The following PRKN variants were observed in gnomAD, a reference collection of about 807,000 sequenced individuals.
PRKN encodes the protein parkin RBR E3 ubiquitin protein ligase, also known as E3 ubiquitin-protein ligase parkin.
In PRKN, 56 loss-of-function variants were observed where a neutral mutation model predicts 59.5. The observed-to-expected ratio is 0.94, with a 90% confidence interval of 0.76 to 1.18. The LOEUF is 1.18. Ranked by LOEUF, PRKN falls within the 50% of genes most tolerant of loss-of-function variation. The pLI, the probability that PRKN is intolerant of heterozygous loss-of-function variation, is 0.00. For synonymous variants in PRKN, 250 were observed against 222.1 expected, an observed-to-expected ratio of 1.13 and a Z score of -1.12; for missense variants, 657 against 596.4, an observed-to-expected ratio of 1.10 and a Z score of -1.06.
chr6:162,045,539 T>C (rs1784219005), intron 5 of PRKN, among the ~76,000 whole-genome samples: 1 of 152,256 alleles, frequency 6.6e-6, no homozygotes, highest in South Asian at 2.1e-4. Context: ...TGATTCTCCA[T>C]ATGCTTATAA....
intron 1 of PRKN, among the ~76,000 whole-genome samples, chr6:162,725,996 A>T (rs1483050328): frequency 6.6e-6 from 1 of 152,206 alleles, no homozygotes; most frequent in Admixed American, 6.5e-5. Context: ...TATATTCTCC[A>T]TGTCATTACC....
At chr6:162,322,265 A>T (rs1407616622) in intron 2 of PRKN, among the ~76,000 whole-genome samples, 1 of 152,136 alleles carries the variant, frequency 6.6e-6, no homozygotes, top group East Asian at 1.9e-4. Flanking sequence ...TTGTACACTG[A>T]AAAGTATAAA....
At chr6:162,262,408 G>T in intron 3 of PRKN, 117 bp downstream of exon 3, 2 of 1,215,138 alleles carry the variant, frequency 1.6e-6, no homozygotes, top group South Asian at 1.2e-5. Context: ...GTGAATTAGA[G>T]ACTCCAATCC....
chr6:162,367,923 G>A (rs886729847), intron 2 of PRKN, among the ~76,000 whole-genome samples: 23 of 152,140 alleles, frequency 1.5e-4, no homozygotes, highest in Non-Finnish European at 2.6e-4. Flanking sequence ...AGGATGGGCC[G>A]ACTGAGTGGG....
chr6:161,933,832 T>C (rs991905407), intron 6 of PRKN, among the ~76,000 whole-genome samples: 5 of 152,192 alleles, frequency 3.3e-5, no homozygotes, highest in Non-Finnish European at 7.3e-5. Context: ...CTGTCTGTCC[T>C]ACAATGTAAA....
At chr6:162,435,284 G>A (rs972643495) in intron 2 of PRKN, among the ~76,000 whole-genome samples, 5 of 152,108 alleles carry the variant, frequency 3.3e-5, no homozygotes, top group Non-Finnish European at 7.4e-5. Flanking sequence ...TATGAGATGA[G>A]AGCCTATTAA....
At chr6:162,213,282 C>A (rs1283505932) in intron 3 of PRKN, among the ~76,000 whole-genome samples, 1 of 152,118 alleles carries the variant, frequency 6.6e-6, no homozygotes, top group Non-Finnish European at 1.5e-5. Context: ...GGACTCAACA[C>A]TAGTAGTTTG....
chr6:161,786,964 T>C (rs1004436337), intron 6 of PRKN, among the ~76,000 whole-genome samples: 2 of 151,960 alleles, frequency 1.3e-5, no homozygotes, highest in Non-Finnish European at 2.9e-5. Context: ...ACCACACAAG[T>C]TTATGTCAAA....
At chr6:162,555,877 G>C (rs1253003191) in intron 1 of PRKN, among the ~76,000 whole-genome samples, 1 of 150,592 alleles carries the variant, frequency 6.6e-6, no homozygotes, top group African/African-American at 2.4e-5. Context: ...TGTAATCCCA[G>C]TTACTTGGGA....
In PRKN at chr6:161,530,502, CTTCTTTTT is replaced by C. The variant is rs377418587; in HGVS notation, c.1083+18344_1083+18351del. On this transcript the variant is annotated intron_variant, in intron 9 of 11. Coordinates refer to ENST00000366898, the MANE Select transcript of PRKN (RefSeq NM_004562.3). The surrounding 1 kb of genome is among the most constrained non-coding windows in gnomAD (Gnocchi z 5.0). ...TGTCGAAGAAGACCTATACGGCTTG[CTTCTTTTT>C]TTCTTTTTTTCTTTTTTTTTTTTGA... Among the ~76,000 whole-genome samples, 2,020 of 151,730 alleles carry C rather than the reference CTTCTTTTT, an allele frequency of 0.013. 55 individuals carry two copies. The highest frequency in any genetic ancestry group is 0.046 in the African/African-American group (1,896 of 41,330).
intron 1 of PRKN, among the ~76,000 whole-genome samples, chr6:162,716,568 T>A: frequency 6.6e-6 from 1 of 152,140 alleles, no homozygotes; most frequent in East Asian, 1.9e-4. Flanking sequence ...GTCCAAAGCA[T>A]AACAAAACTT....
At chr6:161,802,563 C>T (rs1791132600) in intron 6 of PRKN, among the ~76,000 whole-genome samples, 1 of 152,094 alleles carries the variant, frequency 6.6e-6, no homozygotes, top group Non-Finnish European at 1.5e-5. Flanking sequence ...GAGCGTGCTT[C>T]CCCAATGGTC....
At chr6:161,633,337 T>A (rs1457624854) in intron 7 of PRKN, among the ~76,000 whole-genome samples, 1 of 152,234 alleles carries the variant, frequency 6.6e-6, no homozygotes, top group African/African-American at 2.4e-5. Context: ...CAATTGAGGA[T>A]GTTATGCCTA....
chr6:161,543,586 C>T (rs1779693656), intron 9 of PRKN, among the ~76,000 whole-genome samples: 3 of 152,264 alleles, frequency 2.0e-5, no homozygotes, highest in South Asian at 4.1e-4. Context: ...ATCGCATTTC[C>T]TTAACTTATG....
chr6:162,144,999 T>C (rs775046619), intron 4 of PRKN, among the ~76,000 whole-genome samples: 6 of 152,180 alleles, frequency 3.9e-5, no homozygotes, highest in African/African-American at 7.2e-5. Flanking sequence ...AGAACTCCCA[T>C]TGGTCATTTC....
In PRKN at chr6:162,163,511, C is replaced by A. The variant is rs971400412; in HGVS notation, c.534+37620G>T. 4.7e-5 allele frequency among the ~76,000 whole-genome samples: 7 copies of A among 149,164 alleles called. 1 individual carries two copies. The highest frequency in any genetic ancestry group is 1.5e-4 in the African/African-American group (6 of 39,612). ...GCTCTGGCTTGTAGCCCGAGGAGAA[C>A]AGAAACAGGGGAAAAACAGGTAATG... On this transcript the variant is annotated intron_variant, in intron 4 of 11. Coordinates refer to ENST00000366898, the MANE Select transcript of PRKN (RefSeq NM_004562.3).
chr6:162,291,962 T>TTG (rs1781448400), intron 2 of PRKN, among the ~76,000 whole-genome samples: 1 of 29,368 alleles, frequency 3.4e-5, no homozygotes, highest in Non-Finnish European at 4.7e-5. Flanking sequence ...ATTATTATTG[T>TTG]TTTTTTTTTT....
chr6:161,890,316 A>G (rs1273854477), intron 6 of PRKN, among the ~76,000 whole-genome samples: 3 of 152,088 alleles, frequency 2.0e-5, no homozygotes, highest in Middle Eastern at 3.2e-3. Flanking sequence ...TTTTTCCTTC[A>G]GGATGAAAGA....
chr6:162,235,565 TG>T (rs1466472457), intron 3 of PRKN, among the ~76,000 whole-genome samples: 1 of 152,118 alleles, frequency 6.6e-6, no homozygotes, highest in African/African-American at 2.4e-5. Flanking sequence ...CCCAGCACTT[TG>T]GGAGGCCAAG....
Sources: gnomAD v4.1 joint callset for allele counts (sites outside exome capture counted in the v4.1 genomes callset) on GRCh38, gnomAD v4.1.1 for gene constraint, Gnocchi (gnomAD v3.1) non-coding constraint, MANE v1.5 for transcripts, NCBI Gene and HGNC (gene_info 2026-07-23, HGNC 2026-07-21) for gene names.